Variants in MMUT observed in about 807,000 individuals in gnomAD.
MMUT encodes the protein methylmalonyl-CoA mutase.
MMUT carries 79 observed loss-of-function variants against 79.9 expected under a neutral mutation model. That is an observed-to-expected ratio of 0.99 (90% confidence interval 0.82 to 1.19). The LOEUF (loss-of-function observed/expected upper bound fraction) is 1.19, where lower values mean the gene tolerates loss of function less well. MMUT is among the 50% of genes most tolerant of loss of function. The pLI, the probability that MMUT is intolerant of heterozygous loss-of-function variation, is 0.00. For missense variants in MMUT, 860 were observed against 917.2 expected (o/e 0.94, Z 0.81); for synonymous variants, 273 against 295.7 (o/e 0.92, Z 0.79).
At chr6:49,450,521 C>A (rs954532398) in intron 6 of MMUT, among the ~76,000 whole-genome samples, 2 of 151,856 alleles carry the variant, frequency 1.3e-5, no homozygotes, top group Non-Finnish European at 2.9e-5. Context: ...AAAGAAAGAT[C>A]CTGAATGAGA....
At position 49,435,589 on chromosome 6, in the gene MMUT, G is replaced by A. The variant is rs137958217; in HGVS notation, c.1991C>T (p.Ala664Val). 828 of 1,613,804 alleles carry A rather than the reference G, an allele frequency of 5.1e-4. 1 individual carries two copies. The Middle Eastern group carries it at 5.6e-3, about 11-fold the overall frequency. The change falls in exon 12 of 13, where the codon GCG becomes GTG. Residue 664 changes from alanine to valine, a missense_variant. Ala to Val is a moderately conservative substitution (Grantham distance 64, BLOSUM62 0). Transcript: ENST00000274813. ...GCTTATGCCCACAGCATGCACATCC[G>A]CATCCACAGCCTGCTGGGCCACTTC... The part of the protein sequence containing the change: ...PREVAQQAVD[A>V]DVHAVGISTL...
intron 3 of MMUT, among the ~76,000 whole-genome samples, chr6:49,457,174 C>G (rs1381032389): frequency 6.6e-6 from 1 of 152,102 alleles, no homozygotes; most frequent in Non-Finnish European, 1.5e-5. Flanking sequence ...GAAATATAAA[C>G]AAATTGCTCA....
At chr6:49,461,218 G>T (rs564412349) in intron 1 of MMUT, among the ~76,000 whole-genome samples, 5 of 152,228 alleles carry the variant, frequency 3.3e-5, no homozygotes, top group East Asian at 1.9e-4. Context: ...GGGGCTTTTG[G>T]GGGTAATGGT....
In MMUT at chr6:49,447,766, T is replaced by TC. The variant is rs2127416851; in HGVS notation, c.1463dup (p.Val489SerfsTer3). 2 of 1,607,694 alleles carry TC rather than the reference T, an allele frequency of 1.2e-6. No homozygotes were observed. The highest frequency in any genetic ancestry group is 3.3e-4 in the Middle Eastern group (2 of 6,040). ...CTTTTTCCAACTGGTACTTATTTAC[T>TC]CCAACAATTACTTCAGAACCTGGTA... On this transcript the variant is annotated frameshift_variant, in exon 8 of 13. Transcript: ENST00000274813. LOFTEE classifies it high-confidence loss of function.
rs1010937933 is a variant in MMUT, at chr6:49,456,432, T to G, written c.754-195A>C. Among the ~76,000 whole-genome samples, 7 of 152,340 alleles carry G rather than the reference T, an allele frequency of 4.6e-5. No homozygotes were observed. The East Asian group carries it at 1.4e-3, about 29-fold the overall frequency. On this transcript the variant is annotated intron_variant, in intron 3 of 12. Coordinates refer to ENST00000274813, the MANE Select transcript of MMUT (RefSeq NM_000255.4). ...CTTTCCAATTTAAATGGTTCGTCCATGAACCATCATCAGGACTGTACCTAC... is the reference window on the plus strand; with the variant it reads ...CTTTCCAATTTAAATGGTTCGTCCAGGAACCATCATCAGGACTGTACCTAC...
chr6:49,449,042 T>A, intron 6 of MMUT, 115 bp from the exon 7 acceptor site: 1 of 555,098 alleles, frequency 1.8e-6, no homozygotes, highest in Non-Finnish European at 3.1e-6. Flanking sequence ...ATAAACTAAA[T>A]GTTAATGTTT....
chr6:49,449,270 C>T (rs1767490467), intron 6 of MMUT, among the ~76,000 whole-genome samples: 1 of 151,966 alleles, frequency 6.6e-6, no homozygotes, highest in Admixed American at 6.6e-5. Context: ...TTTTAAAATG[C>T]AATTTACTTT....
At chr6:49,444,780 C>CTA (rs1561953903) in intron 8 of MMUT, 26 bp from the exon 9 acceptor site, 1 of 1,537,894 alleles carries the variant, frequency 6.5e-7, no homozygotes, top group Middle Eastern at 1.7e-4. Context: ...AGGAAAGGGA[C>CTA]AATTTACATG....
At chr6:49,441,680 G>A (rs771086591) in intron 10 of MMUT, among the ~76,000 whole-genome samples, 160 bp downstream of exon 10, 5 of 147,940 alleles carry the variant, frequency 3.4e-5, no homozygotes, top group Non-Finnish European at 6.0e-5. Context: ...TCTATTATAT[G>A]TTATATAGTC....
At chr6:49,454,567 C>G (rs1301045277) in intron 4 of MMUT, among the ~76,000 whole-genome samples, 2 of 152,166 alleles carry the variant, frequency 1.3e-5, no homozygotes, top group Admixed American at 1.3e-4. Context: ...CTCGGTCACC[C>G]GAAGCACTGG....
intron 1 of MMUT, 30 bp from the exon 2 acceptor site, chr6:49,459,535 T>A: frequency 6.5e-7 from 1 of 1,537,988 alleles, no homozygotes; most frequent in Non-Finnish European, 8.8e-7. Flanking sequence ...GTAAAAACAT[T>A]TAGAAGAGGG....
chr6:49,448,661 TAC>T (rs1406029987), intron 7 of MMUT, among the ~76,000 whole-genome samples, 153 bp downstream of exon 7: 1 of 152,112 alleles, frequency 6.6e-6, no homozygotes, highest in Admixed American at 6.5e-5. Context: ...TATGTGAAAA[TAC>T]ATATATAGAT....
intron 3 of MMUT, among the ~76,000 whole-genome samples, chr6:49,457,253 G>A (rs1767711907): frequency 6.6e-6 from 1 of 152,186 alleles, no homozygotes; most frequent in African/African-American, 2.4e-5. Flanking sequence ...TGGGAAAGAT[G>A]AGCCTAATTC....
At position 49,453,277 on chromosome 6, in the gene MMUT, G is replaced by A. The variant is rs142034799; in HGVS notation, c.1083+308C>T. 3.4e-3 allele frequency among the ~76,000 whole-genome samples: 524 copies of A among 151,990 alleles called. 2 individuals are homozygous for A. Among genetic ancestry groups the A allele is most frequent in the Non-Finnish European group, 5.3e-3 (358 of 67,946 alleles). ...GCTGGGTGCCTCGGCCTCCCAAAAT[G>A]TTGGAATTACTGGTGTGAGCCAACT... is the stretch of plus-strand genomic sequence containing the variant. On this transcript the variant is annotated intron_variant, in intron 5 of 12. Coordinates refer to ENST00000274813, the MANE Select transcript of MMUT (RefSeq NM_000255.4).
chr6:49,431,818 T>A lies in MMUT; in HGVS notation c.2163A>T (p.Val721=). The change falls in exon 13 of 13, where the codon GTA becomes GTT. Residue 721 remains valine (V), a synonymous_variant. Coordinates refer to ENST00000274813, the MANE Select transcript of MMUT (RefSeq NM_000255.4). ...TTGGAATTCGAGTCCCAGGACCAAA[T>A]ACATTGGAAACACCAACTTCAAACA... ...EFLFEVGVSN[V]FGPGTRIPKA... is the part of the protein sequence containing the mutation. The A allele has an allele frequency of 6.2e-7, 1 of 1,613,800 alleles. No individual in the cohort carries two copies. Among genetic ancestry groups the A allele is most frequent in the Non-Finnish European group, 8.5e-7 (1 of 1,179,736 alleles).
In MMUT at chr6:49,431,838, C is replaced by T. The variant is rs1359969806; in HGVS notation, c.2143G>A (p.Glu715Lys). The T allele has an allele frequency of 6.2e-7, 1 of 1,613,696 alleles. No homozygotes were observed. Residue 715 changes from glutamate to lysine, a missense_variant, in exon 13 of 13, where the codon GAA becomes AAA. Transcript: ENST00000274813. ...CCAAATACATTGGAAACACCAACTT[C>T]AAACAGAAATTCATAATCCTGTTGA... is the stretch of plus-strand genomic sequence containing the variant. The part of the protein sequence containing the change: ...IPPQDYEFLF[E>K]VGVSNVFGPG...
intron 3 of MMUT, among the ~76,000 whole-genome samples, chr6:49,456,732 AT>A (rs1767700455): frequency 6.6e-6 from 1 of 152,238 alleles, no homozygotes; most frequent in South Asian, 2.1e-4. Context: ...AGGAAAAAAA[AT>A]AAAATGATTT....
chr6:49,450,355 A>G (rs1282404088), intron 6 of MMUT, among the ~76,000 whole-genome samples: 1 of 152,094 alleles, frequency 6.6e-6, no homozygotes, highest in Non-Finnish European at 1.5e-5. Context: ...ATACTGTCAA[A>G]GAAATAATAC....
chr6:49,434,489 A>C (rs559453640), intron 12 of MMUT, among the ~76,000 whole-genome samples: 1 of 152,134 alleles, frequency 6.6e-6, no homozygotes, highest in East Asian at 1.9e-4. Context: ...TTACTGATGG[A>C]TTCCTGCTAT....
Sources: gnomAD v4.1 joint callset for allele counts (sites outside exome capture counted in the v4.1 genomes callset) on GRCh38, gnomAD v4.1.1 for gene constraint, MANE v1.5 for transcripts, NCBI Gene and HGNC (gene_info 2026-07-23, HGNC 2026-07-21) for gene names.